BTBD2: variants seen among roughly 807,000 people sequenced by gnomAD.
The protein encoded by BTBD2 is BTB domain containing 2, also known as BTB/POZ domain-containing protein 2.
Under a neutral mutation model 44.0 loss-of-function variants are expected in BTBD2, and 15 were observed. That is an observed-to-expected ratio of 0.34 (90% CI 0.23 to 0.53). The LOEUF is 0.53. Among genes scored for constraint, BTBD2 ranks in the 20% least tolerant of loss-of-function variants. The pLI is 0.95. For synonymous variants in BTBD2, 443 were observed against 335.9 expected (o/e 1.32, Z -3.49); for missense variants, 657 against 746.4 (o/e 0.88, Z 1.39).
chr19:1,987,519 C>T lies in BTBD2; in HGVS notation c.1162G>A (p.Gly388Arg), dbSNP rs765435005. 4.4e-6 allele frequency: 7 copies of T among 1,594,210 alleles called. No individual in the cohort carries two copies. The highest frequency in any genetic ancestry group is 4.3e-6 in the Non-Finnish European group (5 of 1,171,624). ...CCCCACCTGATGCGGTCACTGGTCC[C>T]GCTGTAGCCCCAGCGACTCTCCACC... Reference protein sequence around the residue: ...QQVESRWGYSGTSDRIRFSVN... With the variant: ...QQVESRWGYSRTSDRIRFSVN... The change falls in exon 6 of 9, where the codon GGG becomes AGG. Residue 388 changes from glycine (G) to arginine (R), a missense_variant. Around this residue, in one of 3 missense-constraint regions of BTBD2, gnomAD observed 449 missense variants for 510.9 expected, o/e 0.88. Transcript: ENST00000255608.
In BTBD2 at chr19:2,008,822, C is replaced by T. The variant is rs1232722641; in HGVS notation, c.407+6475G>A. On this transcript the variant is annotated intron_variant, in intron 1 of 8. Transcript: ENST00000255608. Reference sequence around the variant, plus strand: ...CTGGGGTCAAGTGATCCTCCCACCTCAGCCTCCCAAAGTGCTGGGATTACA... The same window carrying T: ...CTGGGGTCAAGTGATCCTCCCACCTTAGCCTCCCAAAGTGCTGGGATTACA... 2.0e-5 allele frequency among the ~76,000 whole-genome samples: 3 copies of T among 151,748 alleles called. No homozygotes were observed. The East Asian group carries it at 5.8e-4, about 29-fold the overall frequency.
intron 2 of BTBD2, among the ~76,000 whole-genome samples, chr19:1,996,025 T>A (rs2016247266): frequency 6.6e-6 from 1 of 152,174 alleles, no homozygotes. Flanking sequence ...CTTCTGCATG[T>A]GTATTTCTAG....
chr19:1,989,698 G>C, intron 5 of BTBD2: 1 of 425,594 alleles, frequency 2.3e-6, no homozygotes, highest in East Asian at 4.9e-5. Flanking sequence ...ACTGGTACCT[G>C]CACCAGCAGG....
intron 5 of BTBD2, 70 bp from the exon 6 acceptor site, chr19:1,987,762 G>C: frequency 1.4e-6 from 2 of 1,414,586 alleles, no homozygotes; most frequent in Non-Finnish European, 1.9e-6. Context: ...GGGAGGACAC[G>C]CTCCTTCCCC....
At chr19:1,990,865 AC>A (rs1221320567) in intron 3 of BTBD2, 43 bp from the exon 4 acceptor site, 1 of 1,496,872 alleles carries the variant, frequency 6.7e-7, no homozygotes. Flanking sequence ...GGACATCAGC[AC>A]CCAGCCCTCG....
intron 1 of BTBD2, among the ~76,000 whole-genome samples, chr19:2,000,637 C>T (rs1019561298): frequency 2.6e-5 from 4 of 152,218 alleles, no homozygotes; most frequent in East Asian, 1.9e-4. Flanking sequence ...CTCTGCCCAC[C>T]GTGAGTCCCC....
chr19:1,991,967 C>G (rs1404389108), intron 3 of BTBD2: 1 of 151,920 alleles, frequency 6.6e-6, no homozygotes, highest in Admixed American at 6.6e-5. Flanking sequence ...GCCTGTAATC[C>G]CAGCTACTGT....
At chr19:2,009,168 G>A (rs956049437) in intron 1 of BTBD2, among the ~76,000 whole-genome samples, 3 of 149,304 alleles carry the variant, frequency 2.0e-5, no homozygotes, top group East Asian at 2.0e-4. Flanking sequence ...ACAGGCGCTC[G>A]CCACCACGCC....
intron 1 of BTBD2, among the ~76,000 whole-genome samples, chr19:2,010,841 G>A (rs1015459274): frequency 1.3e-5 from 2 of 152,124 alleles, no homozygotes; most frequent in South Asian, 2.1e-4. Flanking sequence ...GTTTTGCCAC[G>A]ATGGCCAGGC....
rs55653804 is a variant in BTBD2, at chr19:2,003,773, GAA to G, written c.408-6312_408-6311del. 4.3e-4 allele frequency among the ~76,000 whole-genome samples: 53 copies of G among 122,510 alleles called. 2 individuals are homozygous for G. The highest frequency in any genetic ancestry group is 1.6e-3 in the Admixed American group (19 of 11,814). The allele number at this position is 122,510 out of a possible 152,430, so 80.4% of individuals were successfully genotyped here. A position where few individuals can be genotyped will look rare whatever the true frequency, so the allele number is the denominator to read the frequency against. On this transcript the variant is annotated intron_variant, in intron 1 of 8. Coordinates refer to ENST00000255608, the MANE Select transcript of BTBD2 (RefSeq NM_017797.4). ...GCAACAAAAACGAAACTCCGTCAAA[GAA>G]AAAAAAAAAAAAGAGAAAGAAAAGA...
rs1354008651 is a variant in BTBD2 at position 1,987,390 on chromosome 19, G to A, written c.1181+110C>T. ...CCCCATGCCCGGCGGCCCCCCCGCC[G>A]TCTTCATCATCCCTGAGTTCTCCAC... is the stretch of plus-strand genomic sequence containing the variant. On this transcript the variant is annotated intron_variant, in intron 6 of 8. Transcript: ENST00000255608. 49 of 1,193,064 alleles carry A rather than the reference G, an allele frequency of 4.1e-5. 1 individual carries two copies. The highest frequency in any genetic ancestry group is 1.4e-4 in the South Asian group (9 of 63,928). 73.9% of individuals were successfully genotyped at this position (1,193,064 alleles called of 1,614,324 possible). A position where few individuals can be genotyped will look rare whatever the true frequency, so the allele number is the denominator to read the frequency against.
chr19:2,012,504 G>C (rs1202467230), intron 1 of BTBD2, among the ~76,000 whole-genome samples: 1 of 152,220 alleles, frequency 6.6e-6, no homozygotes, highest in Non-Finnish European at 1.5e-5. Context: ...TGTGAGAACA[G>C]GAGGCTGGTG....
chr19:1,989,880 C>G (rs1020317521), intron 5 of BTBD2, 124 bp downstream of exon 5: 1 of 1,123,098 alleles, frequency 8.9e-7, no homozygotes, highest in East Asian at 2.6e-5. Context: ...TTCTTCCTAT[C>G]TGTATATGCC....
intron 5 of BTBD2, 115 bp from the exon 6 acceptor site, chr19:1,987,807 G>A: frequency 2.7e-6 from 3 of 1,108,370 alleles, no homozygotes; most frequent in Non-Finnish European, 3.8e-6. Flanking sequence ...AAGGTGCAGG[G>A]ACCTGGGCAG....
intron 1 of BTBD2, among the ~76,000 whole-genome samples, chr19:2,012,728 G>A (rs771190137): frequency 3.9e-5 from 6 of 152,168 alleles, no homozygotes; most frequent in Non-Finnish European, 8.8e-5. Context: ...CCCCCCGGGG[G>A]CAGACCCCTC....
rs2016084600 is a variant in BTBD2, at chr19:1,986,512, G to A, written c.1554C>T (p.Ile518=). The A allele has an allele frequency of 1.2e-6, 2 of 1,613,890 alleles. No homozygotes were observed. Among genetic ancestry groups the A allele is most frequent in the African/African-American group, 1.3e-5 (1 of 74,952 alleles). ...NNGTSVEDGQ[I]PEVIFYT The stretch of plus-strand genomic sequence containing the variant: ...CCTAGGTGTAGAAGATGACCTCGGG[G>A]ATCTGGCCGTCCTCCACGGATGTGC... The change falls in exon 9 of 9, where the codon ATC becomes ATT. Residue 518 remains isoleucine, a synonymous_variant. Coordinates refer to ENST00000255608, the MANE Select transcript of BTBD2 (RefSeq NM_017797.4).
At chr19:1,986,749 T>TGGAGAGTGTGTG (rs1435844060) in intron 8 of BTBD2, 81 bp downstream of exon 8, 2 of 1,574,496 alleles carry the variant, frequency 1.3e-6, no homozygotes, top group Non-Finnish European at 1.7e-6. Context: ...TGGCTGCCTC[T>TGGAGAGTGTGTG]GGAGAGTGTG....
At chr19:1,987,037 G>A in intron 7 of BTBD2, 61 bp from the exon 8 acceptor site, 2 of 1,595,490 alleles carry the variant, frequency 1.3e-6, no homozygotes, top group Non-Finnish European at 1.7e-6. Context: ...GACCCCTCGA[G>A]GCCCAGCCCA....
At chr19:1,987,916 C>T in intron 5 of BTBD2, 1 of 560,288 alleles carries the variant, frequency 1.8e-6, no homozygotes, top group African/African-American at 1.9e-5. Flanking sequence ...GATACGCTCA[C>T]TCAGGGGCGA....
Sources: gnomAD v4.1 joint callset for allele counts (sites outside exome capture counted in the v4.1 genomes callset) on GRCh38, gnomAD v4.1.1 for gene constraint, gnomAD v4.1.1 regional missense constraint, MANE v1.5 for transcripts, NCBI Gene and HGNC (gene_info 2026-07-23, HGNC 2026-07-21) for gene names.